Variants in AGBL1 observed in about 807,000 individuals in gnomAD.
AGBL1 encodes the protein cytosolic carboxypeptidase 4.
Under a neutral mutation model 118.9 loss-of-function variants are expected in AGBL1, and 130 were observed. The ratio of observed to expected loss-of-function variants is 1.09; its 90% CI spans 0.95 to 1.26. The LOEUF is 1.26. Among genes scored for constraint, AGBL1 ranks in the 50% most tolerant of loss-of-function variants. The pLI is 0.00. For synonymous variants in AGBL1, 555 were observed against 478.9 expected (o/e 1.16, Z -2.08); for missense variants, 1,584 against 1,298.1 (o/e 1.22, Z -3.38).
intron 22 of AGBL1, among the ~76,000 whole-genome samples, chr15:86,881,762 A>G (rs1244483382): frequency 6.6e-6 from 1 of 152,128 alleles, no homozygotes; most frequent in Non-Finnish European, 1.5e-5. Flanking sequence ...CAGCCTCCCA[A>G]GTAGCTGGGA....
chr15:86,762,714 G>T (rs1030934940), intron 22 of AGBL1, among the ~76,000 whole-genome samples: 1 of 151,960 alleles, frequency 6.6e-6, no homozygotes, highest in South Asian at 2.1e-4. Flanking sequence ...CTTTAGAGAA[G>T]TTACATTTGG....
chr15:86,930,233 A>C (rs2080589444), intron 23 of AGBL1, among the ~76,000 whole-genome samples: 2 of 152,200 alleles, frequency 1.3e-5, no homozygotes, highest in Non-Finnish European at 2.9e-5. Context: ...GGGTGACTTC[A>C]GGCAAGTCAC....
intron 21 of AGBL1, among the ~76,000 whole-genome samples, chr15:86,635,993 A>G (rs2085075670): frequency 6.6e-6 from 1 of 152,120 alleles, no homozygotes; most frequent in South Asian, 2.1e-4. Flanking sequence ...TTAATGACAC[A>G]TTGGATTCAC....
At chr15:86,656,394 G>A (rs867958071) in intron 21 of AGBL1, among the ~76,000 whole-genome samples, 1 of 152,094 alleles carries the variant, frequency 6.6e-6, no homozygotes, top group African/African-American at 2.4e-5. Context: ...GGCTTTAGGG[G>A]GGTTGCCTGC....
In AGBL1 at chr15:86,788,529, C is replaced by T. The variant is rs2078446916; in HGVS notation, c.3158+114093C>T. On this transcript the variant is annotated intron_variant, in intron 22 of 22. Coordinates refer to ENST00000614907, the MANE Select transcript of AGBL1 (RefSeq NM_001386094.1). ...TTGTAAAATACTTATAGAACATCTA[C>T]TATGGGGTCTAGGGATATAGCAGTG... Among the ~76,000 whole-genome samples the T allele has an allele frequency of 3.9e-5, 6 of 152,240 alleles. No homozygotes were observed. The South Asian group carries it at 1.2e-3, about 32-fold the overall frequency.
intron 17 of AGBL1, among the ~76,000 whole-genome samples, chr15:86,358,407 A>G (rs1456115568): frequency 6.6e-6 from 1 of 151,696 alleles, no homozygotes; most frequent in East Asian, 1.9e-4. Flanking sequence ...ATATGTACAC[A>G]TTTTCTTTTT....
Position 86,615,277 on chromosome 15 carries a change from A to G in AGBL1, c.2995-58996A>G, listed in dbSNP as rs1265921605. On this transcript the variant is annotated intron_variant, in intron 21 of 22. Transcript: ENST00000614907. The surrounding 1 kb of genome is among the most constrained non-coding windows in gnomAD (Gnocchi z 4.3). ...AGACTAAAAACAGACTATTGACTAAAAACCAGCCTAGGAAAAGATGTGATG... is the reference window on the plus strand; with the variant it reads ...AGACTAAAAACAGACTATTGACTAAGAACCAGCCTAGGAAAAGATGTGATG... Among the ~76,000 whole-genome samples the G allele has an allele frequency of 6.6e-6, 1 of 152,186 alleles. No homozygotes were observed. The highest frequency in any genetic ancestry group is 1.5e-5 in the Non-Finnish European group (1 of 68,034).
chr15:86,430,877 AC>A (rs1367482399), intron 18 of AGBL1, among the ~76,000 whole-genome samples: 2 of 152,228 alleles, frequency 1.3e-5, no homozygotes, highest in Non-Finnish European at 2.9e-5. Context: ...TTACTATGTA[AC>A]AATAAATAGT....
chr15:86,351,910 C>G (rs113948719), intron 17 of AGBL1, among the ~76,000 whole-genome samples: 1,571 of 152,174 alleles, frequency 0.01, 31 homozygotes, highest in African/African-American at 0.036. Flanking sequence ...CAAGGGTGTT[C>G]TTTGAGCCTT....
rs59001404 is a variant in AGBL1, at chr15:86,616,944, C to G, written c.2995-57329C>G. On this transcript the variant is annotated intron_variant, in intron 21 of 22. Coordinates refer to ENST00000614907, the MANE Select transcript of AGBL1 (RefSeq NM_001386094.1). ...TCTATCTCTTCTGCTTCTTCTGTCA[C>G]CAGGAGCGATTGCTTGCTGGTAGGG... Among the ~76,000 whole-genome samples the G allele has an allele frequency of 2.6e-5, 4 of 152,306 alleles. No homozygotes were observed. In the East Asian group the frequency reaches 7.7e-4, roughly 29 times the overall value.
intron 17 of AGBL1, among the ~76,000 whole-genome samples, chr15:86,378,976 G>A (rs1431918760): frequency 1.3e-5 from 2 of 151,240 alleles, no homozygotes; most frequent in African/African-American, 4.9e-5. Context: ...GCAATGGAGC[G>A]ATCTTGGCTC....
At chr15:86,750,407 A>G (rs1479548957) in intron 22 of AGBL1, among the ~76,000 whole-genome samples, 1 of 150,620 alleles carries the variant, frequency 6.6e-6, no homozygotes, top group Non-Finnish European at 1.5e-5. Flanking sequence ...GAACCTGGTA[A>G]TTTCTGTATA....
chr15:86,286,108 T>C (rs900340477), intron 16 of AGBL1, among the ~76,000 whole-genome samples: 10 of 129,356 alleles, frequency 7.7e-5, no homozygotes, highest in African/African-American at 1.6e-4. Flanking sequence ...TCTCTCTTTT[T>C]TCTTTTTCTT....
chr15:86,735,456 T>A (rs1173284035), intron 22 of AGBL1, among the ~76,000 whole-genome samples: 1 of 151,878 alleles, frequency 6.6e-6, no homozygotes, highest in Non-Finnish European at 1.5e-5. Flanking sequence ...GTGGGCAGAT[T>A]TCAAAGGAAA....
rs78573768 is a variant in AGBL1, at chr15:86,795,743, C to A, written c.3159-111344C>A. Among the ~76,000 whole-genome samples, 523 of 151,654 alleles carry A rather than the reference C, an allele frequency of 3.4e-3. 6 individuals are homozygous for A. Among genetic ancestry groups the A allele is most frequent in the African/African-American group, 0.012 (491 of 41,348 alleles). On this transcript the variant is annotated intron_variant, in intron 22 of 22. Coordinates refer to ENST00000614907, the MANE Select transcript of AGBL1 (RefSeq NM_001386094.1). The stretch of plus-strand genomic sequence containing the variant: ...GGGAATACAGGTGCTCGCCACAACA[C>A]CCAGCTAATTTTTTGTATTTTTAGT...
rs182089963 is a variant in AGBL1, at chr15:87,019,183, C to T, written c.3324-9642C>T. Among the ~76,000 whole-genome samples, 74 of 152,210 alleles carry T rather than the reference C, an allele frequency of 4.9e-4. No homozygotes were observed. In the East Asian group the frequency reaches 9.7e-3, roughly 20 times the overall value. ...ACACAAAAATAGTGGGTGACTTCAA[C>T]ACTCCATGGACGTTATTAGACATAT... is the stretch of plus-strand genomic sequence containing the variant. On this transcript the variant is annotated intron_variant, in intron 24 of 24. Coordinates refer to the AGBL1 transcript ENST00000441037.
At chr15:86,984,871 C>T (rs534290808) in intron 23 of AGBL1, among the ~76,000 whole-genome samples, 2 of 152,254 alleles carry the variant, frequency 1.3e-5, no homozygotes, top group African/African-American at 4.8e-5. Flanking sequence ...ACAATATATA[C>T]AAAATACTTC....
rs182554853 is a variant in AGBL1 at position 86,208,833 on chromosome 15, G to C, written c.489-16081G>C. Among the ~76,000 whole-genome samples the C allele has an allele frequency of 9.1e-4, 138 of 152,186 alleles. 2 individuals carry two copies. The East Asian group carries it at 0.017, about 19-fold the overall frequency. ...TCTCTATCTCCTTCGGTTCTGCTCT[G>C]ATCTTAGTTATTTCTTGCCTTATGC... On this transcript the variant is annotated intron_variant, in intron 5 of 22. Coordinates refer to ENST00000614907, the MANE Select transcript of AGBL1 (RefSeq NM_001386094.1).
chr15:86,492,452 T>C (rs1308677646), intron 18 of AGBL1, among the ~76,000 whole-genome samples: 1 of 151,760 alleles, frequency 6.6e-6, no homozygotes, highest in African/African-American at 2.4e-5. Flanking sequence ...TAGCTGGGTG[T>C]GGTGATGTGC....
Sources: allele counts gnomAD v4.1 joint callset (sites outside exome capture counted in the v4.1 genomes callset), GRCh38; gene constraint gnomAD v4.1.1; non-coding constraint Gnocchi (gnomAD v3.1); transcripts MANE v1.5; gene names NCBI Gene and HGNC (gene_info 2026-07-23, HGNC 2026-07-21).